The following PTPRD variants were observed in gnomAD, a reference collection of about 807,000 sequenced individuals.
The protein encoded by PTPRD is protein tyrosine phosphatase receptor type D, also known as receptor-type tyrosine-protein phosphatase delta.
Under a neutral mutation model 214.5 loss-of-function variants are expected in PTPRD, and 34 were observed. The ratio of observed to expected loss-of-function variants is 0.16; its 90% CI spans 0.12 to 0.21. The LOEUF is 0.21. Ranked by LOEUF, PTPRD falls within the 10% of genes least tolerant of loss-of-function variation. The probability of loss-of-function intolerance (pLI) is 1.00; values close to 1 mark genes in which losing one functional copy is unlikely to be tolerated. For synonymous variants in PTPRD, 1,128 were observed against 845.7 expected, an observed-to-expected ratio of 1.33 and a Z score of -5.79; for missense variants, 2,545 against 2,398.7, an observed-to-expected ratio of 1.06 and a Z score of -1.27.
intron 7 of PTPRD, among the ~76,000 whole-genome samples, chr9:9,677,774 A>T (rs531057117): frequency 5.9e-5 from 9 of 152,234 alleles, no homozygotes; most frequent in African/African-American, 2.2e-4. Flanking sequence ...AGAGGAAGTC[A>T]AATCGTCCCT....
intron 3 of PTPRD, among the ~76,000 whole-genome samples, chr9:10,209,109 T>A (rs1054975925): frequency 6.6e-6 from 1 of 152,184 alleles, no homozygotes; most frequent in African/African-American, 2.4e-5. Context: ...GGAAACTGTG[T>A]GACTACAATA....
intron 9 of PTPRD, among the ~76,000 whole-genome samples, chr9:9,390,709 T>C (rs2065513483): frequency 6.6e-6 from 1 of 152,176 alleles, no homozygotes; most frequent in Non-Finnish European, 1.5e-5. Flanking sequence ...AGACTTAGTG[T>C]TGCTTTTAAG....
chr9:8,451,215 T>C (rs2095934279), intron 33 of PTPRD, among the ~76,000 whole-genome samples: 1 of 152,176 alleles, frequency 6.6e-6, no homozygotes, highest in Non-Finnish European at 1.5e-5. Flanking sequence ...ACATCCTTAA[T>C]GGAATACATT....
At chr9:8,503,198 T>C (rs2097453685) in intron 23 of PTPRD, among the ~76,000 whole-genome samples, 2 of 152,098 alleles carry the variant, frequency 1.3e-5, no homozygotes, top group South Asian at 2.1e-4. Context: ...CAAGTTTCTA[T>C]AGAAAATGAA....
At chr9:8,711,075 A>T (rs574611943) in intron 12 of PTPRD, among the ~76,000 whole-genome samples, 1 of 152,152 alleles carries the variant, frequency 6.6e-6, no homozygotes, top group Non-Finnish European at 1.5e-5. Context: ...AATTTATAGT[A>T]ACATTTAATG....
intron 4 of PTPRD, among the ~76,000 whole-genome samples, chr9:9,961,025 G>C (rs975392434): frequency 1.3e-5 from 2 of 152,062 alleles, no homozygotes; most frequent in African/African-American, 2.4e-5. Context: ...CTTCTCAAAA[G>C]AAGACATTTA....
intron 8 of PTPRD, among the ~76,000 whole-genome samples, chr9:9,438,550 T>C (rs148969249): frequency 1.6e-4 from 24 of 152,296 alleles, no homozygotes; most frequent in Admixed American, 9.2e-4. Flanking sequence ...TGTTAGCAAA[T>C]TGTATAAATC....
chr9:9,866,330 A>G (rs896579164), intron 5 of PTPRD, among the ~76,000 whole-genome samples: 2 of 152,198 alleles, frequency 1.3e-5, no homozygotes, highest in African/African-American at 4.8e-5. Flanking sequence ...ACAGTGTTAT[A>G]GCTTTAGGAA....
At chr9:10,079,024 A>C (rs1340537938) in intron 3 of PTPRD, among the ~76,000 whole-genome samples, 3 of 152,034 alleles carry the variant, frequency 2.0e-5, no homozygotes. Context: ...GTTGAAATTT[A>C]AACAATTATG....
chr9:9,058,442 G>GTTTTTTTTT (rs777910266), intron 10 of PTPRD, among the ~76,000 whole-genome samples: 2,552 of 69,796 alleles, frequency 0.037, 762 homozygotes, highest in East Asian at 0.1. Context: ...TATTATGAGG[G>GTTTTTTTTT]TTTTTTTTTT....
In PTPRD at chr9:8,785,638, G is replaced by A. The variant is rs185063635; in HGVS notation, c.-103-51692C>T. On this transcript the variant is annotated intron_variant, in intron 11 of 45. Transcript: ENST00000381196. ...CATGTCACAGAATTACTGCCAGTCG[G>A]CTTAACAAATAAAGTACAAAAATAA... Among the ~76,000 whole-genome samples the A allele has an allele frequency of 1.7e-3, 261 of 152,298 alleles. 8 individuals are homozygous for A. Among genetic ancestry groups the A allele is most frequent in the Admixed American group, 0.015 (231 of 15,286 alleles).
chr9:9,595,950 A>T (rs1488816463), intron 7 of PTPRD, among the ~76,000 whole-genome samples: 3 of 151,930 alleles, frequency 2.0e-5, no homozygotes, highest in Non-Finnish European at 4.4e-5. Flanking sequence ...TGGAAATAAA[A>T]AAAAAATAAA....
At chr9:9,901,251 T>C (rs1025615454) in intron 5 of PTPRD, among the ~76,000 whole-genome samples, 8 of 152,160 alleles carry the variant, frequency 5.3e-5, no homozygotes, top group Non-Finnish European at 1.0e-4. Flanking sequence ...TTTTTAAAGT[T>C]CTAATATGTC....
intron 14 of PTPRD, among the ~76,000 whole-genome samples, chr9:8,623,142 C>T (rs969855038): frequency 5.9e-5 from 9 of 151,724 alleles, no homozygotes; most frequent in Non-Finnish European, 1.3e-4. Flanking sequence ...CAAAGTGGTA[C>T]CCTGTCTCTA....
At chr9:8,881,396 T>G (rs1358161183) in intron 11 of PTPRD, among the ~76,000 whole-genome samples, 1 of 152,198 alleles carries the variant, frequency 6.6e-6, no homozygotes, top group Non-Finnish European at 1.5e-5. Flanking sequence ...TCAGACATAT[T>G]AGGCTTTATT....
intron 3 of PTPRD, among the ~76,000 whole-genome samples, chr9:10,157,754 C>A (rs1479914576): frequency 6.6e-6 from 1 of 152,040 alleles, no homozygotes; most frequent in South Asian, 2.1e-4. Flanking sequence ...TTCCATTATC[C>A]TCATCTCTTT....
At chr9:10,532,491 A>G (rs1445572959) in intron 2 of PTPRD, 1 of 150,348 alleles carries the variant, frequency 6.7e-6, no homozygotes, top group East Asian at 1.9e-4. Flanking sequence ...CCCTATCCAA[A>G]TGGCCAGATG....
chr9:10,354,331 G>T (rs972755124), intron 2 of PTPRD, among the ~76,000 whole-genome samples: 2 of 152,014 alleles, frequency 1.3e-5, no homozygotes, highest in Admixed American at 1.3e-4. Flanking sequence ...ATCAAATATT[G>T]ATAGACATTT....
At chr9:10,197,102 A>G (rs554314277) in intron 3 of PTPRD, among the ~76,000 whole-genome samples, 4 of 152,126 alleles carry the variant, frequency 2.6e-5, no homozygotes, top group Non-Finnish European at 4.4e-5. Flanking sequence ...TAAGATGCAC[A>G]GGAGTAGAAA....
Sources: gnomAD v4.1 joint callset for allele counts (sites outside exome capture counted in the v4.1 genomes callset) on GRCh38, gnomAD v4.1.1 for gene constraint, MANE v1.5 for transcripts, NCBI Gene and HGNC (gene_info 2026-07-23, HGNC 2026-07-21) for gene names.